The following ZFHX3 variants were observed in gnomAD, a reference collection of about 807,000 sequenced individuals.
The protein encoded by ZFHX3 is zinc finger homeobox protein 3.
ZFHX3 carries 42 observed loss-of-function variants against 279.1 expected under a neutral mutation model. The ratio of observed to expected loss-of-function variants is 0.15; its 90% CI spans 0.12 to 0.19. The LOEUF (loss-of-function observed/expected upper bound fraction) is 0.19. ZFHX3 is among the 10% of genes least tolerant of loss of function. The pLI is 1.00. For synonymous variants in ZFHX3, 2,293 were observed against 1,957.8 expected (o/e 1.17, Z -4.52); for missense variants, 4,981 against 4,754.0 (o/e 1.05, Z -1.40).
At chr16:72,948,755 C>T (rs1410056486) in intron 3 of ZFHX3, among the ~76,000 whole-genome samples, 2 of 152,180 alleles carry the variant, frequency 1.3e-5, no homozygotes, top group Non-Finnish European at 2.9e-5. Flanking sequence ...TCAATGGCCA[C>T]GCCGAGTCCT....
chr16:73,345,361 T>G (rs766092156), intron 3 of ZFHX3, among the ~76,000 whole-genome samples: 22 of 151,982 alleles, frequency 1.4e-4, no homozygotes, highest in Non-Finnish European at 3.1e-4. Flanking sequence ...CCAGCATGCA[T>G]CAGTTATTTT....
intron 1 of ZFHX3, among the ~76,000 whole-genome samples, chr16:73,857,613 G>C (rs1186949812): frequency 6.6e-6 from 1 of 152,162 alleles, no homozygotes; most frequent in Non-Finnish European, 1.5e-5. Flanking sequence ...TTCCTCCAAA[G>C]TAAACAAGGC....
intron 4 of ZFHX3, among the ~76,000 whole-genome samples, chr16:72,868,097 G>C (rs1264876389): frequency 1.3e-5 from 2 of 152,204 alleles, no homozygotes; most frequent in African/African-American, 4.8e-5. Context: ...TAAGTAATCA[G>C]CCAAACGAGG....
At chr16:73,346,586 C>T (rs28661413) in intron 3 of ZFHX3, among the ~76,000 whole-genome samples, 1 of 152,210 alleles carries the variant, frequency 6.6e-6, no homozygotes, top group Non-Finnish European at 1.5e-5. Flanking sequence ...ATTCTTATGC[C>T]TCAGCCACTG....
chr16:72,788,964 C>T (rs1232502942), intron 9 of ZFHX3, 116 bp from the exon 10 acceptor site: 1 of 1,417,274 alleles, frequency 7.1e-7, no homozygotes, highest in African/African-American at 1.4e-5. Flanking sequence ...CTTGAAGGAT[C>T]CTCTCAAAAC....
intron 5 of ZFHX3, among the ~76,000 whole-genome samples, chr16:73,254,523 T>C (rs1368864796): frequency 2.0e-5 from 3 of 152,066 alleles, no homozygotes; most frequent in Non-Finnish European, 2.9e-5. Context: ...GGATTCTTTT[T>C]TGAAATAATG....
In ZFHX3 at chr16:72,787,001, G is replaced by C. The variant is rs956614875; in HGVS notation, c.*163C>G. ...GAATGTAAAATCACCGGCATAGATA[G>C]GTATATGGGAAAACAACCCACGCTT... On this transcript the variant is annotated 3_prime_UTR_variant, in exon 10 of 10. Coordinates refer to ENST00000268489, the MANE Select transcript of ZFHX3 (RefSeq NM_006885.4). The C allele has an allele frequency of 5.2e-5, 31 of 591,872 alleles. No individual in the cohort carries two copies. The African/African-American group carries it at 5.9e-4, about 11-fold the overall frequency. The allele number at this position is 591,872 out of a possible 1,614,324, so 36.7% of individuals were successfully genotyped here.
chr16:72,902,687 T>C (rs1268259370), intron 3 of ZFHX3, among the ~76,000 whole-genome samples: 1 of 152,150 alleles, frequency 6.6e-6, no homozygotes, highest in Non-Finnish European at 1.5e-5. Context: ...CAAAGACCTA[T>C]GGGCATCCCC....
At chr16:73,422,894 G>C (rs1341544724) in intron 3 of ZFHX3, among the ~76,000 whole-genome samples, 1 of 152,206 alleles carries the variant, frequency 6.6e-6, no homozygotes, top group Non-Finnish European at 1.5e-5. Flanking sequence ...TTCTCTGTGA[G>C]AAAGAAGGCT....
chr16:72,803,370 G>A (rs1168053593), intron 7 of ZFHX3, among the ~76,000 whole-genome samples: 10 of 152,204 alleles, frequency 6.6e-5, no homozygotes, highest in African/African-American at 2.2e-4. Context: ...GCTGTGCTGA[G>A]CACAGGTAAA....
At chr16:73,524,893 G>C (rs11862781) in intron 2 of ZFHX3, among the ~76,000 whole-genome samples, 3,116 of 152,198 alleles carry the variant, frequency 0.02, 105 homozygotes, top group African/African-American at 0.071. Flanking sequence ...TTTCACAGAG[G>C]GCCAGTATGC....
At chr16:73,845,317 A>G (rs936814958) in intron 1 of ZFHX3, among the ~76,000 whole-genome samples, 2 of 152,198 alleles carry the variant, frequency 1.3e-5, no homozygotes, top group African/African-American at 4.8e-5. Context: ...TCAAAAACAC[A>G]GGTTCTACAA....
At chr16:73,639,999 C>T (rs1370728043) in intron 2 of ZFHX3, among the ~76,000 whole-genome samples, 1 of 152,144 alleles carries the variant, frequency 6.6e-6, no homozygotes, top group Non-Finnish European at 1.5e-5. Flanking sequence ...GCCAAAAGTT[C>T]GTGGAAAGAG....
At chr16:73,195,633 G>T (rs1345561805) in intron 5 of ZFHX3, among the ~76,000 whole-genome samples, 1 of 152,016 alleles carries the variant, frequency 6.6e-6, no homozygotes. Flanking sequence ...TGGCCAGGCT[G>T]GTCCTGAATT....
chr16:73,706,997 T>G (rs886831518), intron 1 of ZFHX3, among the ~76,000 whole-genome samples: 22 of 152,224 alleles, frequency 1.4e-4, no homozygotes, highest in African/African-American at 5.3e-4. Context: ...TTTTGTGTTT[T>G]TAAATCAAAG....
intron 1 of ZFHX3, among the ~76,000 whole-genome samples, chr16:72,981,739 C>T (rs946574352): frequency 1.3e-5 from 2 of 152,122 alleles, no homozygotes; most frequent in Admixed American, 1.3e-4. Context: ...GCTGCAAGCT[C>T]CCCAGAAGCA....
chr16:73,396,532 A>C (rs2017132833), intron 3 of ZFHX3, among the ~76,000 whole-genome samples: 2 of 152,236 alleles, frequency 1.3e-5, no homozygotes, highest in African/African-American at 4.8e-5. Context: ...AAGAGATTTA[A>C]CTGACTCACA....
intron 2 of ZFHX3, among the ~76,000 whole-genome samples, chr16:73,458,472 T>A (rs1220149815): frequency 6.6e-6 from 1 of 151,616 alleles, no homozygotes; most frequent in African/African-American, 2.4e-5. Flanking sequence ...GCCTCCCGGG[T>A]TCAAGCAAAT....
At chr16:72,961,525 C>A (rs1686075255) in intron 1 of ZFHX3, among the ~76,000 whole-genome samples, 3 of 152,086 alleles carry the variant, frequency 2.0e-5, no homozygotes, top group African/African-American at 7.2e-5. Context: ...TCCTGGAGAA[C>A]ATGTGGCTGC....
Sources: gnomAD v4.1 joint callset for allele counts (sites outside exome capture counted in the v4.1 genomes callset) on GRCh38, gnomAD v4.1.1 for gene constraint, MANE v1.5 for transcripts, NCBI Gene and HGNC (gene_info 2026-07-23, HGNC 2026-07-21) for gene names.